RFX3: variants seen among roughly 807,000 people sequenced by gnomAD.
RFX3 encodes the protein regulatory factor X3, also known as transcription factor RFX3.
RFX3 carries 14 observed loss-of-function variants against 98.6 expected under a neutral mutation model. The ratio of observed to expected loss-of-function variants is 0.14; its 90% CI spans 0.09 to 0.22. The LOEUF (loss-of-function observed/expected upper bound fraction) is 0.22. Ranked by LOEUF, RFX3 falls within the 10% of genes least tolerant of loss-of-function variation. The pLI is 1.00. For missense variants in RFX3, 639 were observed against 926.9 expected (o/e 0.69, Z 4.03); for synonymous variants, 383 against 328.4 (o/e 1.17, Z -1.80).
At chr9:3,515,807 T>C (rs1321137893) in intron 1 of RFX3, among the ~76,000 whole-genome samples, 1 of 152,174 alleles carries the variant, frequency 6.6e-6, no homozygotes, top group Non-Finnish European at 1.5e-5. Flanking sequence ...AATCTGAATG[T>C]AGTCCAGAAA....
chr9:3,430,881 G>C (rs1360818933), intron 1 of RFX3, among the ~76,000 whole-genome samples: 1 of 151,720 alleles, frequency 6.6e-6, no homozygotes, highest in African/African-American at 2.4e-5. Context: ...AATATATGTA[G>C]GTACTAGTCT....
At chr9:3,311,058 G>A (rs894410550) in intron 4 of RFX3, among the ~76,000 whole-genome samples, 1 of 152,164 alleles carries the variant, frequency 6.6e-6, no homozygotes, top group African/African-American at 2.4e-5. Flanking sequence ...GTTACCTAAT[G>A]TATAACAATT....
At chr9:3,453,252 A>G (rs1846833215) in intron 1 of RFX3, among the ~76,000 whole-genome samples, 1 of 152,020 alleles carries the variant, frequency 6.6e-6, no homozygotes, top group African/African-American at 2.4e-5. Context: ...CCAAGTGTAA[A>G]CACCCCCCAA....
chr9:3,245,310 G>A (rs528749825), intron 15 of RFX3, among the ~76,000 whole-genome samples: 1 of 152,306 alleles, frequency 6.6e-6, no homozygotes, highest in African/African-American at 2.4e-5. Flanking sequence ...CATTTATGCA[G>A]TAGTCCAAGG....
intron 7 of RFX3, among the ~76,000 whole-genome samples, chr9:3,283,202 C>T (rs775339089): frequency 5.3e-5 from 8 of 151,670 alleles, no homozygotes; most frequent in Non-Finnish European, 1.0e-4. Context: ...CCCAATCTGA[C>T]CAATTGCCAG....
intron 1 of RFX3, among the ~76,000 whole-genome samples, chr9:3,465,865 T>C (rs1036749328): frequency 6.6e-6 from 1 of 152,048 alleles, no homozygotes; most frequent in Non-Finnish European, 1.5e-5. Flanking sequence ...AACTTGACTA[T>C]TCCTAAAAAT....
intron 10 of RFX3, 32 bp downstream of exon 10, chr9:3,270,971 G>T: frequency 6.2e-7 from 1 of 1,613,490 alleles, no homozygotes; most frequent in Non-Finnish European, 8.5e-7. Context: ...ACTCAGCCAT[G>T]AAAATGAATT....
intron 3 of RFX3, 78 bp downstream of exon 3, chr9:3,346,589 G>A: frequency 3.5e-6 from 3 of 864,072 alleles, no homozygotes; most frequent in Non-Finnish European, 4.0e-6. Context: ...AACAATCTGG[G>A]AATAGTGGGA....
intron 1 of RFX3, among the ~76,000 whole-genome samples, chr9:3,432,779 G>A (rs544521809): frequency 1.3e-5 from 2 of 152,118 alleles, no homozygotes; most frequent in Non-Finnish European, 2.9e-5. Context: ...ATGGCAGAAG[G>A]GTTCCAATTA....
intron 1 of RFX3, among the ~76,000 whole-genome samples, chr9:3,437,338 T>G (rs1209171146): frequency 6.6e-6 from 1 of 152,076 alleles, no homozygotes; most frequent in Non-Finnish European, 1.5e-5. Context: ...ACTATAGACA[T>G]TCAACTGTTT....
At chr9:3,366,095 G>C (rs796336155) in intron 2 of RFX3, among the ~76,000 whole-genome samples, 3 of 151,978 alleles carry the variant, frequency 2.0e-5, no homozygotes, top group South Asian at 2.1e-4. Context: ...CAGCAGCTGA[G>C]AGATTGTAGA....
chr9:3,275,457 G>A (rs1338587405), intron 9 of RFX3, 43 bp downstream of exon 9: 3 of 1,127,284 alleles, frequency 2.7e-6, no homozygotes, highest in East Asian at 2.4e-5. Context: ...AAGTTATCTG[G>A]CAAAACCTAG....
At chr9:3,487,835 G>A (rs1850402831) in intron 1 of RFX3, among the ~76,000 whole-genome samples, 1 of 152,134 alleles carries the variant, frequency 6.6e-6, no homozygotes, top group Admixed American at 6.5e-5. Flanking sequence ...AAATTCTAGA[G>A]TAAGAGTCAA....
intron 10 of RFX3, chr9:3,270,733 T>G: frequency 4.5e-6 from 3 of 667,852 alleles, no homozygotes; most frequent in Non-Finnish European, 7.5e-6. Context: ...ACATTTGTAT[T>G]TTCTGACGGT....
chr9:3,380,477 A>G (rs1338004406), intron 2 of RFX3, among the ~76,000 whole-genome samples: 1 of 152,198 alleles, frequency 6.6e-6, no homozygotes, highest in South Asian at 2.1e-4. Context: ...TTCATGGCTC[A>G]TAACAGATGC....
chr9:3,457,899 G>A (rs755738685), intron 1 of RFX3, among the ~76,000 whole-genome samples: 1 of 152,018 alleles, frequency 6.6e-6, no homozygotes, highest in African/African-American at 2.4e-5. Context: ...AGACTGCTAG[G>A]TGGAATTGTA....
chr9:3,288,366 G>A, intron 6 of RFX3, 116 bp from the exon 7 acceptor site: 1 of 784,404 alleles, frequency 1.3e-6, no homozygotes, highest in Non-Finnish European at 2.1e-6. Context: ...GTAAGTTAAT[G>A]TTACATATTT....
intron 8 of RFX3, among the ~76,000 whole-genome samples, chr9:3,276,205 T>G (rs564572142): frequency 6.6e-6 from 1 of 152,272 alleles, no homozygotes; most frequent in South Asian, 2.1e-4. Context: ...TATACCAACA[T>G]GTGCTTTGTG....
chr9:3,269,805 T>A lies in RFX3; in HGVS notation c.1357+566A>T, dbSNP rs78184067. On this transcript the variant is annotated intron_variant, in intron 11 of 16. Transcript: ENST00000617270. The stretch of plus-strand genomic sequence containing the variant: ...CGCATCTGTAGTTCCTAACATGATG[T>A]AGGTGACAAAGTAAATGCTTTTATA... Among the ~76,000 whole-genome samples the A allele has an allele frequency of 2.2e-3, 335 of 152,242 alleles. 2 individuals are homozygous for A. The highest frequency in any genetic ancestry group is 7.7e-3 in the African/African-American group (319 of 41,560).
Sources: allele counts gnomAD v4.1 joint callset (sites outside exome capture counted in the v4.1 genomes callset), GRCh38; gene constraint gnomAD v4.1.1; transcripts MANE v1.5; gene names NCBI Gene and HGNC (gene_info 2026-07-23, HGNC 2026-07-21).